The following SEL1L2 variants were observed in gnomAD, a reference collection of about 807,000 sequenced individuals.
The protein encoded by SEL1L2 is protein sel-1 homolog 2.
SEL1L2 carries 89 observed loss-of-function variants against 98.8 expected under a neutral mutation model. That is an observed-to-expected ratio of 0.90 (90% CI 0.76 to 1.07). The LOEUF is 1.07. Among genes scored for constraint, SEL1L2 ranks in the 50% least tolerant of loss-of-function variants. The probability of loss-of-function intolerance (pLI) is 0.00; values close to 1 mark genes in which losing one functional copy is unlikely to be tolerated. For synonymous variants in SEL1L2, 262 were observed against 278.5 expected (o/e 0.94, Z 0.59); for missense variants, 788 against 812.0 (o/e 0.97, Z 0.36).
chr20:13,881,075 G>A (rs767950587), intron 10 of SEL1L2, among the ~76,000 whole-genome samples: 26 of 152,142 alleles, frequency 1.7e-4, no homozygotes, highest in Admixed American at 5.2e-4. Context: ...GGGCAGTTGC[G>A]CAATCTCAGC....
At chr20:13,891,663 CAAAAAAAAAAAAAA>C (rs61545047) in intron 5 of SEL1L2, among the ~76,000 whole-genome samples, 1 of 74,246 alleles carries the variant, frequency 1.3e-5, no homozygotes, top group African/African-American at 6.1e-5. Flanking sequence ...AAGACTCCAT[CAAAAAAAAAAAAAA>C]AAAAAAAAGG....
chr20:13,859,521 G>T, intron 17 of SEL1L2, 87 bp from the exon 18 acceptor site: 1 of 1,199,570 alleles, frequency 8.3e-7, no homozygotes, highest in Non-Finnish European at 1.2e-6. Flanking sequence ...TCTTGTTTCA[G>T]TCCTTTAAAA....
At chr20:13,932,251 T>C (rs1405235455) in intron 2 of SEL1L2, among the ~76,000 whole-genome samples, 2 of 152,060 alleles carry the variant, frequency 1.3e-5, no homozygotes, top group East Asian at 1.9e-4. Flanking sequence ...ATTAATCTTT[T>C]TTAAGTAGGG....
At chr20:13,977,540 A>G (rs17226845) in intron 1 of SEL1L2, among the ~76,000 whole-genome samples, 10,265 of 152,294 alleles carry the variant, frequency 0.067, 391 homozygotes, top group Non-Finnish European at 0.078. Context: ...ACTGGCAAAC[A>G]GAATTCTTGG....
chr20:13,968,876 G>C (rs1443644265), intron 1 of SEL1L2, among the ~76,000 whole-genome samples: 1 of 152,136 alleles, frequency 6.6e-6, no homozygotes, highest in Non-Finnish European at 1.5e-5. Flanking sequence ...ACATTCCAAT[G>C]TTGAAAAAAC....
intron 12 of SEL1L2, among the ~76,000 whole-genome samples, chr20:13,870,517 C>A (rs563052252): frequency 2.6e-4 from 39 of 152,286 alleles, no homozygotes; most frequent in African/African-American, 8.2e-4. Context: ...GATGAAGAAG[C>A]CATGATCCCT....
upstream of SEL1L2, chr20:13,994,934 C>T (rs2052606099): frequency 6.6e-6 from 1 of 152,190 alleles, no homozygotes; most frequent in Non-Finnish European, 1.5e-5. Context: ...TTTGAGGAGC[C>T]AACTGCATAC....
intron 2 of SEL1L2, among the ~76,000 whole-genome samples, chr20:13,942,170 G>A (rs1356137878): frequency 6.6e-6 from 1 of 152,124 alleles, no homozygotes; most frequent in Non-Finnish European, 1.5e-5. Context: ...AGATGCTATC[G>A]AGATATAATG....
At chr20:13,923,950 T>C (rs2048769596) in intron 3 of SEL1L2, among the ~76,000 whole-genome samples, 1 of 152,210 alleles carries the variant, frequency 6.6e-6, no homozygotes, top group African/African-American at 2.4e-5. Flanking sequence ...CATTTCCTAT[T>C]GCAAGACTGT....
intron 14 of SEL1L2, among the ~76,000 whole-genome samples, 170 bp downstream of exon 14, chr20:13,869,333 C>G (rs1163019795): frequency 6.6e-6 from 1 of 152,202 alleles, no homozygotes; most frequent in African/African-American, 2.4e-5. Flanking sequence ...CTTGTCCCCC[C>G]TCCCAACCAG....
chr20:13,907,525 C>T (rs150546603), intron 5 of SEL1L2, among the ~76,000 whole-genome samples: 185 of 152,104 alleles, frequency 1.2e-3, no homozygotes, highest in African/African-American at 3.8e-3. Context: ...GACATGATTG[C>T]GCCCCTGCAC....
Position 13,854,529 on chromosome 20 carries a change from G to A in SEL1L2, c.1819-4210C>T, listed in dbSNP as rs557934461. Among the ~76,000 whole-genome samples the A allele has an allele frequency of 8.9e-4, 135 of 152,220 alleles. 3 individuals carry two copies. In the South Asian group the frequency reaches 0.024, roughly 28 times the overall value. ...TATTTTTAATTCTTTTCAAGTGTGC[G>A]TGTGCCTATACATGACTGTCATTTT... is the stretch of plus-strand genomic sequence containing the variant. On this transcript the variant is annotated intron_variant, in intron 18 of 19. Transcript: ENST00000284951.
intron 3 of SEL1L2, among the ~76,000 whole-genome samples, chr20:13,926,294 G>T (rs1038257890): frequency 1.3e-5 from 2 of 151,504 alleles, no homozygotes; most frequent in Non-Finnish European, 1.5e-5. Context: ...CAGCCTGGGC[G>T]ACAGAGCGAG....
chr20:13,947,437 A>G (rs538634201), intron 2 of SEL1L2, among the ~76,000 whole-genome samples: 5 of 152,162 alleles, frequency 3.3e-5, no homozygotes, highest in Admixed American at 1.3e-4. Flanking sequence ...TGCCTGCGGA[A>G]AGGAGCTACC....
chr20:13,887,078 A>G (rs1459814549), intron 8 of SEL1L2, among the ~76,000 whole-genome samples: 1 of 152,198 alleles, frequency 6.6e-6, no homozygotes, highest in Non-Finnish European at 1.5e-5. Flanking sequence ...AGACTATAAT[A>G]TAGGAATAAT....
At chr20:13,970,774 G>A (rs1284826050) in intron 1 of SEL1L2, among the ~76,000 whole-genome samples, 2 of 152,078 alleles carry the variant, frequency 1.3e-5, no homozygotes, top group African/African-American at 4.8e-5. Context: ...GGAGTTTGCA[G>A]TAGGCCAAGG....
intron 5 of SEL1L2, chr20:13,913,354 A>G (rs1036221625): frequency 1.3e-5 from 2 of 153,238 alleles, no homozygotes; most frequent in African/African-American, 4.8e-5. Flanking sequence ...CAGTCCTAAT[A>G]GTAGTTGAAT....
At position 13,852,663 on chromosome 20, in the gene SEL1L2, C is replaced by T. The variant is rs537501709; in HGVS notation, c.1819-2344G>A. On this transcript the variant is annotated intron_variant, in intron 18 of 19. Coordinates refer to ENST00000284951, the MANE Select transcript of SEL1L2 (RefSeq NM_025229.2). ...CAGTGATTAAAGAGGTTATGTAAAC[C>T]GAGCTGCAGACTCTTGTTAAAAGAA... Among the ~76,000 whole-genome samples the T allele has an allele frequency of 2.5e-4, 38 of 152,206 alleles. 1 individual carries two copies. The South Asian group carries it at 3.5e-3, about 14-fold the overall frequency.
intron 1 of SEL1L2, among the ~76,000 whole-genome samples, chr20:13,959,695 T>C (rs1316137675): frequency 1.3e-5 from 2 of 152,206 alleles, no homozygotes; most frequent in African/African-American, 4.8e-5. Flanking sequence ...AGAAAATGCT[T>C]TCCAAGAGTT....
Sources: gnomAD v4.1 joint callset for allele counts (sites outside exome capture counted in the v4.1 genomes callset) on GRCh38, gnomAD v4.1.1 for gene constraint, MANE v1.5 for transcripts, NCBI Gene and HGNC (gene_info 2026-07-23, HGNC 2026-07-21) for gene names.